KPNA1: variants seen among roughly 807,000 people sequenced by gnomAD.
The protein encoded by KPNA1 is importin subunit alpha-5.
Under a neutral mutation model 70.5 loss-of-function variants are expected in KPNA1, and 10 were observed. The ratio of observed to expected loss-of-function variants is 0.14; its 90% confidence interval spans 0.09 to 0.24. The LOEUF is 0.24. Among genes scored for constraint, KPNA1 ranks in the 10% least tolerant of loss-of-function variants. The probability of loss-of-function intolerance (pLI) is 1.00; values close to 1 mark genes in which losing one functional copy is unlikely to be tolerated. For missense variants in KPNA1, 397 were observed against 637.9 expected, an observed-to-expected ratio of 0.62 and a Z score of 4.07; for synonymous variants, 192 against 221.9, an observed-to-expected ratio of 0.87 and a Z score of 1.20.
chr3:122,453,793 A>C lies in KPNA1; in HGVS notation c.564+77T>G. ...GATCCACCCACCTTGGCCTCCCAAA[A>C]TGTTGGGATTACAGGAGTGAGCGAC... On this transcript the variant is annotated intron_variant, in intron 6 of 13. Coordinates refer to ENST00000344337, the MANE Select transcript of KPNA1 (RefSeq NM_002264.4). 2.1e-6 allele frequency: 3 copies of C among 1,422,608 alleles called. 1 individual carries two copies. In the South Asian group the frequency reaches 4.3e-5, roughly 20 times the overall value. The allele number at this position is 1,422,608 out of a possible 1,614,324, so 88.1% of individuals were successfully genotyped here.
At position 122,422,826 on chromosome 3, in the gene KPNA1, C is replaced by T. The variant is rs1295548097; in HGVS notation, c.*4159G>A. On this transcript the variant is annotated 3_prime_UTR_variant, in exon 14 of 14. Transcript: ENST00000344337. ...TGTACAATAGATGATCAAATAAAGA[C>T]ATGTTACCTTAATTTGACCTACAGG... is the stretch of plus-strand genomic sequence containing the variant. 1 of 152,236 alleles carries T rather than the reference C, an allele frequency of 6.6e-6. No individual in the cohort carries two copies. Among genetic ancestry groups the T allele is most frequent in the Non-Finnish European group, 1.5e-5 (1 of 68,046 alleles). 9.4% of individuals were successfully genotyped at this position (152,236 alleles called of 1,614,324 possible). A position where few individuals can be genotyped will look rare whatever the true frequency, so the allele number is the denominator to read the frequency against.
intron 2 of KPNA1, among the ~76,000 whole-genome samples, chr3:122,484,411 A>G (rs1000717064): frequency 6.6e-6 from 1 of 152,216 alleles, no homozygotes; most frequent in African/African-American, 2.4e-5. Flanking sequence ...CTGTAATTCC[A>G]GCACTTTGGG....
At chr3:122,513,575 G>GGGA (rs1032624352) in intron 1 of KPNA1, among the ~76,000 whole-genome samples, 5 of 152,066 alleles carry the variant, frequency 3.3e-5, no homozygotes, top group African/African-American at 1.2e-4. Flanking sequence ...CCAGCTAGTA[G>GGGA]GGAGGATGCC....
intron 4 of KPNA1, among the ~76,000 whole-genome samples, chr3:122,462,671 G>A (rs555074044): frequency 1.8e-4 from 27 of 151,928 alleles, no homozygotes; most frequent in South Asian, 1.0e-3. Flanking sequence ...GTGAGGAAGT[G>A]TACATTTCCT....
intron 5 of KPNA1, chr3:122,457,733 C>G: frequency 7.8e-7 from 1 of 1,288,416 alleles, no homozygotes; most frequent in Non-Finnish European, 1.0e-6. Flanking sequence ...GACCTCCTAT[C>G]AAGTTTCCCA....
chr3:122,494,548 AT>A (rs2076735774), intron 2 of KPNA1, among the ~76,000 whole-genome samples: 1 of 152,100 alleles, frequency 6.6e-6, no homozygotes, highest in Non-Finnish European at 1.5e-5. Context: ...TTGTAGTATA[AT>A]TTTACATCAG....
intron 11 of KPNA1, among the ~76,000 whole-genome samples, chr3:122,435,782 TCTTTA>T (rs1267120663): frequency 4.6e-5 from 7 of 152,244 alleles, no homozygotes; most frequent in Non-Finnish European, 7.3e-5. Flanking sequence ...CCTATGCCTA[TCTTTA>T]CTTTAATCTC....
At chr3:122,460,420 T>G (rs1374690881) in intron 5 of KPNA1, 2 of 561,502 alleles carry the variant, frequency 3.6e-6, no homozygotes, top group Non-Finnish European at 4.5e-6. Context: ...GTGGATCACT[T>G]GAGGTCAGGA....
chr3:122,454,246 TGA>T (rs887716151), intron 5 of KPNA1, among the ~76,000 whole-genome samples: 1 of 152,200 alleles, frequency 6.6e-6, no homozygotes, highest in African/African-American at 2.4e-5. Context: ...ATAAAAAGAA[TGA>T]GAGAGTGTTA....
In KPNA1 at chr3:122,461,496, T is replaced by A. The variant is rs1053595683; in HGVS notation, c.338-178A>T. ...ACTTTGAGGACAGGGTAGTCTGAAATGTTTCACAATGAAGACAAGTCTCAA... is the reference window on the plus strand; with the variant it reads ...ACTTTGAGGACAGGGTAGTCTGAAAAGTTTCACAATGAAGACAAGTCTCAA... On this transcript the variant is annotated intron_variant, in intron 4 of 13. Coordinates refer to ENST00000344337, the MANE Select transcript of KPNA1 (RefSeq NM_002264.4). Among the ~76,000 whole-genome samples, 18 of 152,140 alleles carry A rather than the reference T, an allele frequency of 1.2e-4. No homozygotes were observed. Among genetic ancestry groups the A allele is most frequent in the Non-Finnish European group, 1.3e-4 (9 of 68,018 alleles).
Position 122,427,574 on chromosome 3 carries a change from T to C in KPNA1, c.1393A>G (p.Ile465Val). The change falls in exon 13 of 14, where the codon ATT (isoleucine) becomes GTT (valine). Residue 465 changes from isoleucine to valine, a missense_variant. Ile to Val is a conservative substitution (Grantham distance 29). Transcript: ENST00000344337. ...TCAATCAAAGCACAGTAAGGGTTAA[T>C]GCCAGTGCCATTCCTTTTGGCTTCC... ...EQEAKRNGTGINPYCALIEEA... is the reference protein window; with the variant it reads ...EQEAKRNGTGVNPYCALIEEA... The C allele has an allele frequency of 6.2e-7, 1 of 1,614,128 alleles. No individual in the cohort carries two copies. The highest frequency in any genetic ancestry group is 8.5e-7 in the Non-Finnish European group (1 of 1,180,010).
At chr3:122,478,310 A>C (rs1305750221) in intron 2 of KPNA1, among the ~76,000 whole-genome samples, 2 of 152,116 alleles carry the variant, frequency 1.3e-5, no homozygotes, top group South Asian at 2.1e-4. Flanking sequence ...ACCCAAAAGG[A>C]ATCACAGACC....
chr3:122,443,283 G>A (rs2076090857), intron 9 of KPNA1: 1 of 152,506 alleles, frequency 6.6e-6, no homozygotes, highest in African/African-American at 2.4e-5. Context: ...GCTTGAGTAG[G>A]TAAACAAAGC....
intron 2 of KPNA1, among the ~76,000 whole-genome samples, chr3:122,491,800 T>TTAGTAGTTATAA (rs141837328): frequency 3.6e-4 from 53 of 148,844 alleles, no homozygotes; most frequent in African/African-American, 1.3e-3. Flanking sequence ...CATTTAATCG[T>TTAGTAGTTATAA]TAGTTATAAG....
At chr3:122,501,929 T>C (rs777062319) in intron 1 of KPNA1, among the ~76,000 whole-genome samples, 12 of 152,324 alleles carry the variant, frequency 7.9e-5, no homozygotes, top group Admixed American at 3.9e-4. Context: ...ATGGTTGTTT[T>C]TGAAATACTT....
At chr3:122,467,257 C>T (rs2076391437) in intron 3 of KPNA1, 65 bp downstream of exon 3, 1 of 876,788 alleles carries the variant, frequency 1.1e-6, no homozygotes, top group Admixed American at 2.6e-5. Flanking sequence ...TTTTTTAAAA[C>T]TCAAAAGGAA....
intron 2 of KPNA1, among the ~76,000 whole-genome samples, chr3:122,491,813 G>A (rs1354879970): frequency 6.7e-6 from 1 of 149,892 alleles, no homozygotes; most frequent in Non-Finnish European, 1.5e-5. Flanking sequence ...GTTATAAGAG[G>A]TGAGCTAAGC....
chr3:122,508,709 C>A (rs1176040129), intron 1 of KPNA1, among the ~76,000 whole-genome samples: 1 of 152,052 alleles, frequency 6.6e-6, no homozygotes, highest in Non-Finnish European at 1.5e-5. Context: ...GCCCTCCACC[C>A]ACCACAAAAA....
Position 122,427,321 on chromosome 3 carries a change from T to C in KPNA1, c.1430-149A>G, listed in dbSNP as rs75647864. The C allele has an allele frequency of 3.1e-3, 2,338 of 745,668 alleles. 40 individuals carry two copies. In the African/African-American group the frequency reaches 0.038, roughly 12 times the overall value. 46.2% of individuals were successfully genotyped at this position (745,668 alleles called of 1,614,324 possible). ...TTTGTATCTCATAAGTATTTTATAATAGCACAGAAATGACTGCTGGGATTA... is the reference window on the plus strand; with the variant it reads ...TTTGTATCTCATAAGTATTTTATAACAGCACAGAAATGACTGCTGGGATTA... On this transcript the variant is annotated intron_variant, in intron 13 of 13. Coordinates refer to ENST00000344337, the MANE Select transcript of KPNA1 (RefSeq NM_002264.4).
Sources: allele counts gnomAD v4.1 joint callset (sites outside exome capture counted in the v4.1 genomes callset), GRCh38; gene constraint gnomAD v4.1.1; transcripts MANE v1.5; gene names NCBI Gene and HGNC (gene_info 2026-07-23, HGNC 2026-07-21).